RNGTT: variants seen among roughly 807,000 people sequenced by gnomAD.
RNGTT encodes the protein mRNA-capping enzyme.
Under a neutral mutation model 79.3 loss-of-function variants are expected in RNGTT, and 33 were observed. The observed-to-expected ratio is 0.42, with a 90% confidence interval of 0.32 to 0.56. The LOEUF is 0.56. Ranked by LOEUF, RNGTT falls within the 20% of genes least tolerant of loss-of-function variation. RNGTT has a pLI of 0.17. For synonymous variants in RNGTT, 222 were observed against 235.9 expected, an observed-to-expected ratio of 0.94 and a Z score of 0.54; for missense variants, 497 against 739.1, an observed-to-expected ratio of 0.67 and a Z score of 3.80.
intron 13 of RNGTT, among the ~76,000 whole-genome samples, chr6:88,741,230 T>C (rs1777478639): frequency 6.6e-6 from 1 of 151,984 alleles, no homozygotes; most frequent in African/African-American, 2.4e-5. Context: ...ATAAAGAAAA[T>C]GTGGTACACA....
chr6:88,767,656 G>A (rs373680874), intron 13 of RNGTT, among the ~76,000 whole-genome samples: 8 of 101,596 alleles, frequency 7.9e-5, no homozygotes, highest in African/African-American at 3.0e-4. Flanking sequence ...CTTATTTTTC[G>A]AAGAACTATA....
intron 4 of RNGTT, among the ~76,000 whole-genome samples, chr6:88,927,296 G>A (rs1784352200): frequency 6.6e-6 from 1 of 152,114 alleles, no homozygotes; most frequent in South Asian, 2.1e-4. Flanking sequence ...GCCGAGGTAG[G>A]CAGGCAGATC....
intron 12 of RNGTT, among the ~76,000 whole-genome samples, chr6:88,781,263 T>C (rs1417849854): frequency 6.6e-6 from 1 of 152,312 alleles, no homozygotes; most frequent in East Asian, 1.9e-4. Context: ...TAAAACAGGA[T>C]ATCTAGACCA....
intron 14 of RNGTT, among the ~76,000 whole-genome samples, chr6:88,614,797 A>G (rs964472540): frequency 1.3e-5 from 2 of 152,168 alleles, no homozygotes; most frequent in Non-Finnish European, 2.9e-5. Context: ...CTAAATTCCT[A>G]TGTTAAAATC....
At chr6:88,774,791 T>G (rs910527236) in intron 12 of RNGTT, among the ~76,000 whole-genome samples, 5 of 152,102 alleles carry the variant, frequency 3.3e-5, no homozygotes, top group African/African-American at 1.2e-4. Flanking sequence ...GAAAGTAGAT[T>G]AGAGGTCACC....
intron 13 of RNGTT, among the ~76,000 whole-genome samples, chr6:88,699,563 G>T (rs1433688553): frequency 6.6e-6 from 1 of 152,084 alleles, no homozygotes; most frequent in African/African-American, 2.4e-5. Flanking sequence ...CACGCCTGTA[G>T]TCCCAGTAAA....
At chr6:88,636,712 CT>C (rs34826211) in intron 14 of RNGTT, among the ~76,000 whole-genome samples, 17,267 of 146,354 alleles carry the variant, frequency 0.12, 1,099 homozygotes, top group Middle Eastern at 0.22. Context: ...AAAAACACAA[CT>C]TTTTTTTTTT....
intron 13 of RNGTT, among the ~76,000 whole-genome samples, chr6:88,729,537 A>G (rs937297825): frequency 4.6e-5 from 7 of 152,212 alleles, no homozygotes; most frequent in African/African-American, 1.7e-4. Flanking sequence ...ATTTGAGTCA[A>G]TATCTTGGTG....
At chr6:88,708,812 T>C (rs559689766) in intron 13 of RNGTT, among the ~76,000 whole-genome samples, 4 of 152,306 alleles carry the variant, frequency 2.6e-5, no homozygotes, top group African/African-American at 4.8e-5. Context: ...AAAGGGGTTT[T>C]TGAATCTGAA....
chr6:88,677,693 G>A (rs1363661729), intron 14 of RNGTT, among the ~76,000 whole-genome samples: 2 of 151,920 alleles, frequency 1.3e-5, no homozygotes, highest in African/African-American at 4.8e-5. Context: ...GAACTTCTGG[G>A]CCCAAGCAAT....
At chr6:88,678,142 G>T in intron 14 of RNGTT, 1 of 999,606 alleles carries the variant, frequency 1.0e-6, no homozygotes, top group Non-Finnish European at 1.3e-6. Context: ...ACATGCCACT[G>T]AACTTGGCTA....
chr6:88,700,855 A>G (rs919003331), intron 13 of RNGTT, among the ~76,000 whole-genome samples: 4 of 152,180 alleles, frequency 2.6e-5, no homozygotes, highest in African/African-American at 9.6e-5. Flanking sequence ...GATTAAATGA[A>G]ATAATATACA....
At chr6:88,793,014 T>A (rs1010633316) in intron 12 of RNGTT, among the ~76,000 whole-genome samples, 2 of 152,176 alleles carry the variant, frequency 1.3e-5, no homozygotes, top group Non-Finnish European at 2.9e-5. Context: ...CTGAATTAAC[T>A]AGGATGGGTA....
chr6:88,728,465 G>A (rs1776996039), intron 13 of RNGTT, among the ~76,000 whole-genome samples: 1 of 152,176 alleles, frequency 6.6e-6, no homozygotes, highest in Non-Finnish European at 1.5e-5. Context: ...AAGTTCTGTG[G>A]ACCACTAAAG....
chr6:88,832,227 T>A (rs1208187701), intron 11 of RNGTT, among the ~76,000 whole-genome samples: 1 of 152,188 alleles, frequency 6.6e-6, no homozygotes, highest in African/African-American at 2.4e-5. Flanking sequence ...AGCATGGTAC[T>A]GGTACCAAAA....
chr6:88,728,677 T>G (rs952847809), intron 13 of RNGTT, among the ~76,000 whole-genome samples: 6 of 152,198 alleles, frequency 3.9e-5, no homozygotes, highest in African/African-American at 1.4e-4. Context: ...GGCTGAGGTT[T>G]CAGGGACAGA....
At chr6:88,943,823 T>C (rs2127959745) in intron 1 of RNGTT, among the ~76,000 whole-genome samples, 1 of 152,238 alleles carries the variant, frequency 6.6e-6, no homozygotes, top group East Asian at 1.9e-4. Flanking sequence ...CCCCTGTAAA[T>C]ACCCTTAACC....
chr6:88,733,367 AC>A lies in RNGTT; in HGVS notation c.1439+36406del, dbSNP rs970955056. ...GAGAGAGACTCTGTCTTCACCCCCC[AC>A]CCCCCCTCCAAAAAAAAGAAAAAAG... On this transcript the variant is annotated intron_variant, in intron 13 of 15. Coordinates refer to ENST00000369485, the MANE Select transcript of RNGTT (RefSeq NM_003800.5). Among the ~76,000 whole-genome samples, 9 of 115,924 alleles carry A rather than the reference AC, an allele frequency of 7.8e-5. No individual in the cohort carries two copies. In the South Asian group the frequency reaches 2.3e-3, roughly 30 times the overall value. The allele number at this position is 115,924 out of a possible 152,430, so 76.1% of individuals were successfully genotyped here.
intron 13 of RNGTT, among the ~76,000 whole-genome samples, chr6:88,702,627 C>T (rs1775985628): frequency 6.6e-6 from 1 of 151,986 alleles, no homozygotes. Context: ...ACCTAGGAAA[C>T]ACAATTCTAG....
Sources: gnomAD v4.1 joint callset for allele counts (sites outside exome capture counted in the v4.1 genomes callset) on GRCh38, gnomAD v4.1.1 for gene constraint, MANE v1.5 for transcripts, NCBI Gene and HGNC (gene_info 2026-07-23, HGNC 2026-07-21) for gene names.